Variants in SCN3B observed in about 807,000 individuals in gnomAD.
SCN3B encodes the protein sodium channel regulatory subunit beta-3.
A neutral mutation model predicts 25.4 loss-of-function variants in SCN3B; 11 were observed. That is an observed-to-expected ratio of 0.43 (90% CI 0.27 to 0.72). SCN3B has a LOEUF of 0.72. Among genes scored for constraint, SCN3B ranks in the 30% least tolerant of loss-of-function variants. SCN3B has a pLI of 0.18. For synonymous variants in SCN3B, 109 were observed against 110.7 expected (o/e 0.99, Z 0.09); for missense variants, 218 against 278.3 (o/e 0.78, Z 1.54).
chr11:123,651,169 A>G (rs952941103), intron 2 of SCN3B, among the ~76,000 whole-genome samples: 6 of 151,904 alleles, frequency 3.9e-5, no homozygotes, highest in African/African-American at 1.4e-4. Flanking sequence ...AAAAATTATT[A>G]CATGCTTTAA....
intron 3 of SCN3B, among the ~76,000 whole-genome samples, chr11:123,643,207 G>A (rs1399129608): frequency 6.6e-6 from 1 of 152,224 alleles, no homozygotes; most frequent in African/African-American, 2.4e-5. Context: ...ATCAGGGGCT[G>A]TAGGACAGTC....
chr11:123,653,143 A>G (rs1334250790), intron 2 of SCN3B, among the ~76,000 whole-genome samples: 1 of 149,098 alleles, frequency 6.7e-6, no homozygotes, highest in African/African-American at 2.5e-5. Flanking sequence ...TGCAACAAAC[A>G]AACAAACCAA....
rs893535173 is a variant in SCN3B at position 123,633,132 on chromosome 11, C to T, written c.*667G>A. On this transcript the variant is annotated 3_prime_UTR_variant, in exon 7 of 7. Transcript: ENST00000299333. ...ATTACCATTGGTCCTTCCCAAGTCT[C>T]CTGTCCTTGTCTTCTTGGAGGGAAC... 6.6e-6 allele frequency: 1 copy of T among 152,230 alleles called. No homozygotes were observed. The highest frequency in any genetic ancestry group is 2.4e-5 in the African/African-American group (1 of 41,466). The allele number at this position is 152,230 out of a possible 1,614,324, so 9.4% of individuals were successfully genotyped here. A position where few individuals can be genotyped will look rare whatever the true frequency, so the allele number is the denominator to read the frequency against.
At position 123,645,832 on chromosome 11, in the gene SCN3B, G is replaced by C. The variant is rs1000343866; in HGVS notation, c.56-82C>G. 5.3e-6 allele frequency: 8 copies of C among 1,513,800 alleles called. No individual in the cohort carries two copies. In the African/African-American group the frequency reaches 9.6e-5, roughly 18 times the overall value. 93.8% of individuals were successfully genotyped at this position (1,513,800 alleles called of 1,614,324 possible). The stretch of plus-strand genomic sequence containing the variant: ...GGAGAGAAACATTGGAGAAGAAGGA[G>C]GGAGGGAAGAGAGACAGAGAAGGAA... On this transcript the variant is annotated intron_variant, in intron 2 of 6. Transcript: ENST00000299333.
rs1955967007 is a variant in SCN3B, at chr11:123,654,288, T to C, written c.-88A>G. ...ATCCTCCCAGCCCCGCGGCTCCTGC[T>C]TCGTCCGCCCTAACTGCTTCTCCAG... On this transcript the variant is annotated 5_prime_UTR_variant, in exon 1 of 7. Coordinates refer to ENST00000299333, the MANE Select transcript of SCN3B (RefSeq NM_001040151.2). The C allele has an allele frequency of 5.6e-6, 1 of 178,354 alleles. No individual in the cohort carries two copies. Among genetic ancestry groups the C allele is most frequent in the Non-Finnish European group, 1.2e-5 (1 of 82,618 alleles). 11.0% of individuals were successfully genotyped at this position (178,354 alleles called of 1,614,324 possible).
At chr11:123,650,695 G>C (rs910178246) in intron 2 of SCN3B, among the ~76,000 whole-genome samples, 3 of 152,174 alleles carry the variant, frequency 2.0e-5, no homozygotes, top group Non-Finnish European at 4.4e-5. Context: ...GTGCATAGTA[G>C]CACATGTGTC....
In SCN3B at chr11:123,629,865, G is replaced by T. The variant is rs1016721594; in HGVS notation, c.*3934C>A. ...TCTTTTTTCATTTTCATGTTAAACT[G>T]GGAAAGGGGAAACTAAGATATATTC... On this transcript the variant is annotated 3_prime_UTR_variant, in exon 7 of 7. Transcript: ENST00000299333. The T allele has an allele frequency of 6.6e-6, 1 of 152,070 alleles. No individual in the cohort carries two copies. The highest frequency in any genetic ancestry group is 2.4e-5 in the African/African-American group (1 of 41,406). The allele number at this position is 152,070 out of a possible 1,614,324, so 9.4% of individuals were successfully genotyped here.
Position 123,631,168 on chromosome 11 carries a change from G to C in SCN3B, c.*2631C>G, listed in dbSNP as rs1478986696. 6.6e-6 allele frequency: 1 copy of C among 152,192 alleles called. No homozygotes were observed. The highest frequency in any genetic ancestry group is 1.5e-5 in the Non-Finnish European group (1 of 68,044). 9.4% of individuals were successfully genotyped at this position (152,192 alleles called of 1,614,324 possible). ...AAGATAACCTGTCAAGGATAAATAA[G>C]TGATAGATACCATTCAGCTTCATTA... On this transcript the variant is annotated 3_prime_UTR_variant, in exon 7 of 7. Transcript: ENST00000299333.
chr11:123,631,863 G>A lies in SCN3B; in HGVS notation c.*1936C>T, dbSNP rs1955676494. 1 of 151,992 alleles carries A rather than the reference G, an allele frequency of 6.6e-6. No homozygotes were observed. Among genetic ancestry groups the A allele is most frequent in the Non-Finnish European group, 1.5e-5 (1 of 68,002 alleles). 9.4% of individuals were successfully genotyped at this position (151,992 alleles called of 1,614,324 possible). ...ATAATAAATAAATAAAAATTTAAAA[G>A]TCTGGTTTTAAGTACTTTCCTAGGG... On this transcript the variant is annotated 3_prime_UTR_variant, in exon 7 of 7. Coordinates refer to ENST00000299333, the MANE Select transcript of SCN3B (RefSeq NM_001040151.2).
intron 1 of SCN3B, 132 bp from the exon 2 acceptor site, chr11:123,653,958 G>A: frequency 1.2e-6 from 1 of 834,258 alleles, no homozygotes. Flanking sequence ...GCCTGGGGAG[G>A]CCCTGGGAGC....
intron 3 of SCN3B, among the ~76,000 whole-genome samples, chr11:123,644,790 AGAGAGAGAGAATATATATATATATATAT>A (rs1229510962): frequency 7.2e-5 from 6 of 83,298 alleles, no homozygotes; most frequent in African/African-American, 2.5e-4. Flanking sequence ...AGAGAGAGAG[AGAGAGAGAGAATATATATATATATATAT>A]ATATATATAT....
At position 123,630,068 on chromosome 11, in the gene SCN3B, C is replaced by T. The variant is rs1206628319; in HGVS notation, c.*3731G>A. Reference sequence around the variant, plus strand: ...GCTGTCTCCTACTTCCCAGCACATTCCTGCTTTGAAAAGTAACTTTCCTAG... The same window carrying T: ...GCTGTCTCCTACTTCCCAGCACATTTCTGCTTTGAAAAGTAACTTTCCTAG... On this transcript the variant is annotated 3_prime_UTR_variant, in exon 7 of 7. Coordinates refer to ENST00000299333, the MANE Select transcript of SCN3B (RefSeq NM_001040151.2). The T allele has an allele frequency of 1.3e-5, 2 of 152,150 alleles. No homozygotes were observed. The highest frequency in any genetic ancestry group is 2.9e-5 in the Non-Finnish European group (2 of 68,032). 9.4% of individuals were successfully genotyped at this position (152,150 alleles called of 1,614,324 possible).
intron 3 of SCN3B, among the ~76,000 whole-genome samples, chr11:123,644,809 ATATATATATATATAT>A (rs1298659318): frequency 1.2e-4 from 7 of 57,918 alleles, no homozygotes; most frequent in African/African-American, 7.5e-4. Flanking sequence ...GAATATATAT[ATATATATATATATAT>A]ATATATATAT....
chr11:123,645,558 G>T, intron 3 of SCN3B, 29 bp downstream of exon 3: 2 of 1,613,276 alleles, frequency 1.2e-6, no homozygotes, highest in Non-Finnish European at 1.7e-6. Flanking sequence ...GCCAGCAGAA[G>T]AAAGGCCAGA....
intron 4 of SCN3B, among the ~76,000 whole-genome samples, chr11:123,641,790 G>C (rs983448197): frequency 6.6e-6 from 1 of 152,224 alleles, no homozygotes; most frequent in Non-Finnish European, 1.5e-5. Context: ...AGATGCCACA[G>C]ATGGGGAAGA....
At chr11:123,636,229 G>T (rs1955723521) in intron 5 of SCN3B, among the ~76,000 whole-genome samples, 1 of 152,084 alleles carries the variant, frequency 6.6e-6, no homozygotes, top group African/African-American at 2.4e-5. Context: ...TACTAAATTT[G>T]TTGCTGGAAT....
Position 123,636,967 on chromosome 11 carries a change from C to T in SCN3B, c.584+1219G>A, listed in dbSNP as rs60093289. ...TCGACCTCCCAAAGTGCTGGGATTA[C>T]AGACGAGAGCCACCGCGCCCGGCCA... On this transcript the variant is annotated intron_variant, in intron 5 of 6. Coordinates refer to ENST00000299333, the MANE Select transcript of SCN3B (RefSeq NM_001040151.2). Among the ~76,000 whole-genome samples the T allele has an allele frequency of 3.5e-3, 535 of 152,316 alleles. 9 individuals carry two copies. The highest frequency in any genetic ancestry group is 0.027 in the East Asian group (139 of 5,180).
Position 123,647,990 on chromosome 11 carries a change from T to C in SCN3B, c.56-2240A>G, listed in dbSNP as rs1236735275. On this transcript the variant is annotated intron_variant, in intron 2 of 6. Coordinates refer to ENST00000299333, the MANE Select transcript of SCN3B (RefSeq NM_001040151.2). ...ATCTAGGGAGAACTGATCAGAAACA[T>C]CTTCAGCATATGATGAGTCTGAAGT... is the stretch of plus-strand genomic sequence containing the variant. Among the ~76,000 whole-genome samples, 4 of 152,200 alleles carry C rather than the reference T, an allele frequency of 2.6e-5. No individual in the cohort carries two copies. In the East Asian group the frequency reaches 7.7e-4, roughly 29 times the overall value.
rs1955641394 is a variant in SCN3B, at chr11:123,629,474, A to G, written c.*4325T>C. 1 of 152,276 alleles carries G rather than the reference A, an allele frequency of 6.6e-6. No homozygotes were observed. The allele number at this position is 152,276 out of a possible 1,614,324, so 9.4% of individuals were successfully genotyped here. A position where few individuals can be genotyped will look rare whatever the true frequency, so the allele number is the denominator to read the frequency against. On this transcript the variant is annotated 3_prime_UTR_variant, in exon 7 of 7. Transcript: ENST00000299333. ...GCCTGGGATGGAGACCGAGTTTGAT[A>G]TATAAATCAGACTTGCTTGGAAGTG...
Sources: gnomAD v4.1 joint callset for allele counts (sites outside exome capture counted in the v4.1 genomes callset) on GRCh38, gnomAD v4.1.1 for gene constraint, MANE v1.5 for transcripts, NCBI Gene and HGNC (gene_info 2026-07-23, HGNC 2026-07-21) for gene names.